Variants in OPCML observed in about 807,000 individuals in gnomAD.
The protein encoded by OPCML is opioid-binding protein/cell adhesion molecule.
Under a neutral mutation model 37.8 loss-of-function variants are expected in OPCML, and 13 were observed. The ratio of observed to expected loss-of-function variants is 0.34; its 90% CI spans 0.22 to 0.55. OPCML has a LOEUF of 0.55. Ranked by LOEUF, OPCML falls within the 20% of genes least tolerant of loss-of-function variation. The pLI is 0.91. For missense variants in OPCML, 341 were observed against 435.6 expected (o/e 0.78, Z 1.93); for synonymous variants, 176 against 168.8 (o/e 1.04, Z -0.33).
chr11:132,910,262 G>GA (rs58082610), intron 2 of OPCML, among the ~76,000 whole-genome samples: 28,164 of 152,178 alleles, frequency 0.19, 2,823 homozygotes, highest in African/African-American at 0.25. Context: ...CTGGGGGTAG[G>GA]GGGCCTCAGC....
At chr11:132,525,076 A>T (rs978352540) in intron 4 of OPCML, among the ~76,000 whole-genome samples, 5 of 152,010 alleles carry the variant, frequency 3.3e-5, no homozygotes, top group African/African-American at 1.2e-4. Context: ...CTCTTCAACC[A>T]TTATCATCTC....
chr11:133,229,624 A>G (rs1352357133), intron 1 of OPCML, among the ~76,000 whole-genome samples: 1 of 152,040 alleles, frequency 6.6e-6, no homozygotes, highest in Non-Finnish European at 1.5e-5. Flanking sequence ...TGAGGTTACC[A>G]AGATCTACAG....
chr11:133,112,311 G>GAAAAAAAAAAAAAAAAAA (rs1491223305), intron 1 of OPCML, among the ~76,000 whole-genome samples: 1 of 79,038 alleles, frequency 1.3e-5, no homozygotes, highest in Non-Finnish European at 2.1e-5. Context: ...AAAAAAAAAA[G>GAAAAAAAAAAAAAAAAAA]GGGAAAGAAA....
chr11:133,306,499 A>G (rs1942922681), intron 1 of OPCML, among the ~76,000 whole-genome samples: 1 of 152,208 alleles, frequency 6.6e-6, no homozygotes, highest in African/African-American at 2.4e-5. Flanking sequence ...AATAGGTATA[A>G]AATATGAGTT....
intron 4 of OPCML, among the ~76,000 whole-genome samples, chr11:132,438,950 C>T (rs879614574): frequency 1.2e-4 from 18 of 152,116 alleles, no homozygotes; most frequent in Non-Finnish European, 1.5e-5. Context: ...AGGTCATGCC[C>T]ACCCAGGGAG....
intron 1 of OPCML, among the ~76,000 whole-genome samples, chr11:133,230,222 G>A (rs543120764): frequency 1.3e-5 from 2 of 152,256 alleles, no homozygotes; most frequent in East Asian, 1.9e-4. Context: ...AACACCACTC[G>A]CCAAATTCAG....
At chr11:132,694,341 G>A (rs1943525186) in intron 2 of OPCML, among the ~76,000 whole-genome samples, 1 of 151,740 alleles carries the variant, frequency 6.6e-6, no homozygotes, top group South Asian at 2.1e-4. Context: ...TGGGACTACT[G>A]GTGCGTGCCA....
At chr11:132,576,504 C>T (rs1565678878) in intron 3 of OPCML, among the ~76,000 whole-genome samples, 1 of 151,914 alleles carries the variant, frequency 6.6e-6, no homozygotes, top group African/African-American at 2.4e-5. Context: ...ATTTGTATCT[C>T]TTTGTTGAAA....
rs1272943671 is a variant in OPCML at position 132,507,113 on chromosome 11, A to AG, written c.505+21947_505+21948insC. ...TAAGCCTAAAACATTAAATTGTAAA[A>AG]AAAAAAAAAATTATACTGATAAAAG... On this transcript the variant is annotated intron_variant, in intron 4 of 7. Transcript: ENST00000524381. Among the ~76,000 whole-genome samples, 6 of 151,890 alleles carry AG rather than the reference A, an allele frequency of 4.0e-5. No homozygotes were observed. In the East Asian group the frequency reaches 1.2e-3, roughly 29 times the overall value.
chr11:132,835,784 C>T (rs2136289389), intron 2 of OPCML, among the ~76,000 whole-genome samples: 1 of 152,322 alleles, frequency 6.6e-6, no homozygotes, highest in Middle Eastern at 3.4e-3. Context: ...CCTTATGCCT[C>T]TTTCTTCTCT....
intron 1 of OPCML, among the ~76,000 whole-genome samples, chr11:133,484,810 TA>T (rs11356489): frequency 0.015 from 2,227 of 152,222 alleles, 57 homozygotes; most frequent in African/African-American, 0.051. Context: ...GTTGTTACAT[TA>T]AAATATAAAG....
At chr11:132,955,748 G>A (rs561485687) in intron 1 of OPCML, among the ~76,000 whole-genome samples, 12 of 152,054 alleles carry the variant, frequency 7.9e-5, no homozygotes, top group Non-Finnish European at 1.2e-4. Context: ...AGGGAATGGT[G>A]GTGTGTGCCT....
intron 4 of OPCML, among the ~76,000 whole-genome samples, chr11:132,505,170 A>G (rs2096253859): frequency 6.6e-6 from 1 of 152,222 alleles, no homozygotes; most frequent in African/African-American, 2.4e-5. Flanking sequence ...CTCAAAAGGC[A>G]GAGAATAGGG....
intron 3 of OPCML, among the ~76,000 whole-genome samples, chr11:132,640,470 T>G (rs562565123): frequency 6.6e-6 from 1 of 152,338 alleles, no homozygotes; most frequent in South Asian, 2.1e-4. Context: ...CCCACACATA[T>G]GCCTGAATCA....
In OPCML at chr11:133,402,521, GTC is replaced by G. The variant is rs527858574; in HGVS notation, c.61+129741_61+129742del. On this transcript the variant is annotated intron_variant, in intron 1 of 7. Coordinates refer to ENST00000524381, the MANE Select transcript of OPCML (RefSeq NM_001012393.5). ...ACCATATAGATGATCAGGATGATCA[GTC>G]TCTCATAATCACACAGTTTCTCACC... Among the ~76,000 whole-genome samples, 274 of 152,304 alleles carry G rather than the reference GTC, an allele frequency of 1.8e-3. 2 individuals are homozygous for G. The highest frequency in any genetic ancestry group is 5.7e-3 in the African/African-American group (235 of 41,576).
intron 1 of OPCML, among the ~76,000 whole-genome samples, chr11:133,216,138 C>T (rs752356174): frequency 5.3e-5 from 8 of 152,266 alleles, no homozygotes; most frequent in South Asian, 2.1e-4. Flanking sequence ...CATCTGACTT[C>T]GGATTCCCGT....
intron 2 of OPCML, among the ~76,000 whole-genome samples, chr11:132,669,013 TG>T (rs1942342332): frequency 6.6e-6 from 1 of 152,020 alleles, no homozygotes; most frequent in African/African-American, 2.4e-5. Context: ...GTTGACACAG[TG>T]GTTGATGGGC....
chr11:133,080,272 G>A (rs1948690471), intron 1 of OPCML, among the ~76,000 whole-genome samples: 1 of 152,122 alleles, frequency 6.6e-6, no homozygotes, highest in Admixed American at 6.5e-5. Flanking sequence ...GCGGTCTTGT[G>A]AGAATGTGGG....
intron 1 of OPCML, among the ~76,000 whole-genome samples, chr11:133,266,117 TA>T (rs548430602): frequency 6.6e-6 from 1 of 152,152 alleles, no homozygotes; most frequent in Non-Finnish European, 1.5e-5. Flanking sequence ...CCCAAGTCTT[TA>T]AAAACAAACA....
Sources: allele counts gnomAD v4.1 joint callset (sites outside exome capture counted in the v4.1 genomes callset), GRCh38; gene constraint gnomAD v4.1.1; transcripts MANE v1.5; gene names NCBI Gene and HGNC (gene_info 2026-07-23, HGNC 2026-07-21).